Variants in NADK2 observed in about 807,000 individuals in gnomAD.
NADK2 encodes the protein NAD kinase domain-containing protein 1, mitochondrial.
NADK2 carries 35 observed loss-of-function variants against 62.1 expected under a neutral mutation model. That is an observed-to-expected ratio of 0.56 (90% CI 0.43 to 0.75). The LOEUF is 0.75. NADK2 is among the 30% of genes least tolerant of loss of function. The pLI is 0.00. For missense variants in NADK2, 439 were observed against 561.3 expected, an observed-to-expected ratio of 0.78 and a Z score of 2.20; for synonymous variants, 205 against 207.9, an observed-to-expected ratio of 0.99 and a Z score of 0.12.
intron 4 of NADK2, 55 bp from the exon 5 acceptor site, chr5:36,219,734 AGC>A: frequency 2.2e-6 from 3 of 1,391,228 alleles, no homozygotes; most frequent in Admixed American, 3.6e-5. Context: ...AAAAAGGTGA[AGC>A]AAAAAAATTT....
chr5:36,239,018 A>C (rs1748009402), intron 1 of NADK2, among the ~76,000 whole-genome samples: 1 of 152,200 alleles, frequency 6.6e-6, no homozygotes, highest in African/African-American at 2.4e-5. Context: ...GCATTTTAAC[A>C]AATAGCCTAA....
intron 1 of NADK2, among the ~76,000 whole-genome samples, chr5:36,234,094 G>T (rs114626443): frequency 6.6e-6 from 1 of 152,168 alleles, no homozygotes; most frequent in South Asian, 2.1e-4. Context: ...GTATTAATGG[G>T]CCAGGCGCGG....
chr5:36,240,003 T>C (rs1748048231), intron 1 of NADK2, among the ~76,000 whole-genome samples: 1 of 152,202 alleles, frequency 6.6e-6, no homozygotes, highest in African/African-American at 2.4e-5. Context: ...TGTATGCACA[T>C]ATTTATGCAT....
intron 5 of NADK2, chr5:36,218,116 C>G (rs551975796): frequency 1.6e-5 from 6 of 379,648 alleles, no homozygotes; most frequent in Non-Finnish European, 2.9e-5. Flanking sequence ...TACAAAATCT[C>G]CCAAGTAACT....
chr5:36,226,211 CA>C (rs972951407), intron 3 of NADK2, among the ~76,000 whole-genome samples: 1 of 152,000 alleles, frequency 6.6e-6, no homozygotes, highest in Non-Finnish European at 1.5e-5. Flanking sequence ...ATAATTATAC[CA>C]AAATACAATA....
intron 8 of NADK2, 118 bp from the exon 9 acceptor site, chr5:36,201,279 G>T: frequency 2.3e-6 from 2 of 861,238 alleles, no homozygotes; most frequent in Non-Finnish European, 3.6e-6. Flanking sequence ...AGTTCTAAAT[G>T]AACAAAGTTA....
Position 36,241,027 on chromosome 5 carries a change from C to A in NADK2, c.300+472G>T, listed in dbSNP as rs1748090874. Among the ~76,000 whole-genome samples the A allele has an allele frequency of 6.6e-6, 1 of 152,206 alleles. No homozygotes were observed. Among genetic ancestry groups the A allele is most frequent in the Admixed American group, 6.5e-5 (1 of 15,292 alleles). ...TGTCCGCGGTTGTTTCGGCCCTTTT[C>A]CCCCGGCAGCCCTCAGCGGCGCCCT... On this transcript the variant is annotated intron_variant, in intron 1 of 11. Transcript: ENST00000381937. This position sits in a 1 kb window ranked among gnomAD's most constrained non-coding sequence, Gnocchi z 4.9.
chr5:36,219,464 G>C, intron 5 of NADK2, 132 bp downstream of exon 5: 1 of 678,810 alleles, frequency 1.5e-6, no homozygotes, highest in Non-Finnish European at 2.4e-6. Context: ...ACCCGCATCG[G>C]CCTCCCAAAG....
At chr5:36,206,584 A>G (rs937660898) in intron 8 of NADK2, among the ~76,000 whole-genome samples, 1 of 152,122 alleles carries the variant, frequency 6.6e-6, no homozygotes, top group Non-Finnish European at 1.5e-5. Context: ...TCATCAATAT[A>G]AAGAACACAA....
Position 36,194,457 on chromosome 5 carries a change from T to A in NADK2, c.*687A>T, listed in dbSNP as rs11948897. The A allele has an allele frequency of 3.7e-3, 568 of 152,320 alleles. 3 individuals carry two copies. Among genetic ancestry groups the A allele is most frequent in the African/African-American group, 0.013 (531 of 41,582 alleles). 9.4% of individuals were successfully genotyped at this position (152,320 alleles called of 1,614,324 possible). On this transcript the variant is annotated 3_prime_UTR_variant, in exon 12 of 12. Transcript: ENST00000381937. ...AACACTTATTGGATAACTAATACAT[T>A]TGTAACAGCATCATGATTTGTTTTG... is the stretch of plus-strand genomic sequence containing the variant.
intron 7 of NADK2, among the ~76,000 whole-genome samples, chr5:36,211,053 G>A (rs921810051): frequency 6.6e-6 from 1 of 152,134 alleles, no homozygotes; most frequent in African/African-American, 2.4e-5. Flanking sequence ...ACTCACACCT[G>A]TAATCCCAGC....
At position 36,241,851 on chromosome 5, in the gene NADK2, C is replaced by A; in HGVS notation, c.-53G>T. 8.2e-7 allele frequency: 1 copy of A among 1,223,974 alleles called. No homozygotes were observed. Among genetic ancestry groups the A allele is most frequent in the South Asian group, 2.5e-5 (1 of 40,800 alleles). 75.8% of individuals were successfully genotyped at this position (1,223,974 alleles called of 1,614,324 possible). On this transcript the variant is annotated 5_prime_UTR_variant, in exon 1 of 12. Coordinates refer to ENST00000381937, the MANE Select transcript of NADK2 (RefSeq NM_001085411.3). The surrounding 1 kb of genome is among the most constrained non-coding windows in gnomAD (Gnocchi z 4.9). ...GGGCTCGGGCCCCTTGCCTCAGCTC[C>A]CTACCGCCGGGAGTGCGCGCCGTCC... is the stretch of plus-strand genomic sequence containing the variant.
chr5:36,193,215 ATGCCTGTAATCCCAATAC>A lies in NADK2; in HGVS notation c.*1911_*1928del, dbSNP rs1328609394. 2 of 152,152 alleles carry A rather than the reference ATGCCTGTAATCCCAATAC, an allele frequency of 1.3e-5. No individual in the cohort carries two copies. The highest frequency in any genetic ancestry group is 4.8e-5 in the African/African-American group (2 of 41,424). The allele number at this position is 152,152 out of a possible 1,614,324, so 9.4% of individuals were successfully genotyped here. A position where few individuals can be genotyped will look rare whatever the true frequency, so the allele number is the denominator to read the frequency against. On this transcript the variant is annotated 3_prime_UTR_variant, in exon 12 of 12. Transcript: ENST00000381937. ...ATTTTAAGGCCGGGCATGGTGGCTCATGCCTGTAATCCCAATACTGGGAGGCCGAGGCAGGCAGATCAC... is the reference window on the plus strand; with the variant it reads ...ATTTTAAGGCCGGGCATGGTGGCTCATGGGAGGCCGAGGCAGGCAGATCAC...
intron 10 of NADK2, 103 bp downstream of exon 10, chr5:36,200,124 G>A: frequency 1.5e-6 from 1 of 674,938 alleles, no homozygotes; most frequent in South Asian, 3.1e-5. Context: ...AAGCATGTTT[G>A]AGTAAAAAAA....
chr5:36,218,086 G>A lies in NADK2; in HGVS notation c.645-202C>T, dbSNP rs947088169. 30 of 477,908 alleles carry A rather than the reference G, an allele frequency of 6.3e-5. 1 individual carries two copies. Among genetic ancestry groups the A allele is most frequent in the East Asian group, 1.4e-4 (4 of 29,074 alleles). 29.6% of individuals were successfully genotyped at this position (477,908 alleles called of 1,614,324 possible). Reference sequence around the variant, plus strand: ...TATTTATTCTCTTTTCAATTATAACGGAAACACCTAATGTGCTTGTACAAA... The same window carrying A: ...TATTTATTCTCTTTTCAATTATAACAGAAACACCTAATGTGCTTGTACAAA... On this transcript the variant is annotated intron_variant, in intron 5 of 11. Transcript: ENST00000381937.
chr5:36,203,451 G>A (rs1051159210), intron 8 of NADK2, among the ~76,000 whole-genome samples: 1 of 152,192 alleles, frequency 6.6e-6, no homozygotes, highest in Non-Finnish European at 1.5e-5. Context: ...ATGGAAGAGG[G>A]GAGAACATGT....
intron 1 of NADK2, among the ~76,000 whole-genome samples, chr5:36,238,730 G>A (rs1201760682): frequency 6.6e-6 from 1 of 152,140 alleles, no homozygotes; most frequent in Non-Finnish European, 1.5e-5. Context: ...TGAGACAGTA[G>A]AGGTAAAATG....
At chr5:36,238,241 A>G (rs969552502) in intron 1 of NADK2, among the ~76,000 whole-genome samples, 1 of 152,220 alleles carries the variant, frequency 6.6e-6, no homozygotes, top group Non-Finnish European at 1.5e-5. Flanking sequence ...GCTACAACCT[A>G]AGCCACAAAA....
At chr5:36,211,717 A>T in intron 7 of NADK2, 127 bp downstream of exon 7, 1 of 736,204 alleles carries the variant, frequency 1.4e-6, no homozygotes, top group Non-Finnish European at 2.3e-6. Flanking sequence ...ATATTTCATT[A>T]AATAATGAAC....
Sources: gnomAD v4.1 joint callset for allele counts (sites outside exome capture counted in the v4.1 genomes callset) on GRCh38, gnomAD v4.1.1 for gene constraint, Gnocchi (gnomAD v3.1) non-coding constraint, MANE v1.5 for transcripts, NCBI Gene and HGNC (gene_info 2026-07-23, HGNC 2026-07-21) for gene names.